The following SNX24 variants were observed in gnomAD, a reference collection of about 807,000 sequenced individuals.
The protein encoded by SNX24 is sorting nexin 24.
In SNX24, 22 loss-of-function variants were observed where a neutral mutation model predicts 28.7. The ratio of observed to expected loss-of-function variants is 0.77; its 90% CI spans 0.55 to 1.10. The LOEUF (loss-of-function observed/expected upper bound fraction) is 1.10. SNX24 is among the 50% of genes least tolerant of loss of function. The pLI is 0.00. For missense variants in SNX24, 221 were observed against 201.1 expected, an observed-to-expected ratio of 1.10 and a Z score of -0.60; for synonymous variants, 69 against 71.5, an observed-to-expected ratio of 0.96 and a Z score of 0.18.
Position 122,908,210 on chromosome 5 carries a change from C to T in SNX24, c.61-28524C>T, listed in dbSNP as rs532428208. Among the ~76,000 whole-genome samples, 12 of 152,330 alleles carry T rather than the reference C, an allele frequency of 7.9e-5. No individual in the cohort carries two copies. In the South Asian group the frequency reaches 2.3e-3, roughly 29 times the overall value. The stretch of plus-strand genomic sequence containing the variant: ...TGTGGCTGCATTTCTGTGATACAAC[C>T]TCATCTGTTCCGTCAACTAGTTTTG... On this transcript the variant is annotated intron_variant, in intron 1 of 6. Transcript: ENST00000261369.
At chr5:122,910,538 T>C (rs1757835188) in intron 1 of SNX24, among the ~76,000 whole-genome samples, 1 of 151,562 alleles carries the variant, frequency 6.6e-6, no homozygotes, top group South Asian at 2.1e-4. Context: ...TACATATGTA[T>C]ACATGTGCCA....
intron 1 of SNX24, among the ~76,000 whole-genome samples, chr5:122,902,801 C>T (rs1757496550): frequency 2.0e-5 from 3 of 152,160 alleles, no homozygotes. Flanking sequence ...CCCGTCTTGT[C>T]CCAGCTTACC....
chr5:122,953,892 C>A (rs1760077875), intron 3 of SNX24, among the ~76,000 whole-genome samples: 1 of 151,958 alleles, frequency 6.6e-6, no homozygotes, highest in South Asian at 2.1e-4. Context: ...AATACAAATC[C>A]TTTTTTAAAC....
intron 1 of SNX24, among the ~76,000 whole-genome samples, chr5:122,861,012 T>G (rs1277163644): frequency 6.6e-6 from 1 of 152,158 alleles, no homozygotes; most frequent in East Asian, 1.9e-4. Context: ...TACCACTTCC[T>G]TTATGTTCCC....
At chr5:123,026,112 T>A in intron 5 of SNX24, 1 of 684,586 alleles carries the variant, frequency 1.5e-6, no homozygotes, top group Non-Finnish European at 2.4e-6. Context: ...TAAGCAGACA[T>A]GAAGGAGGGA....
chr5:122,951,392 C>T (rs1217737661), intron 3 of SNX24, among the ~76,000 whole-genome samples: 1 of 151,410 alleles, frequency 6.6e-6, no homozygotes, highest in Non-Finnish European at 1.5e-5. Flanking sequence ...AATATTTGCT[C>T]ATTAACACAA....
intron 3 of SNX24, among the ~76,000 whole-genome samples, chr5:122,983,327 AG>A (rs1480364154): frequency 6.6e-6 from 1 of 152,168 alleles, no homozygotes; most frequent in African/African-American, 2.4e-5. Context: ...CATAACTAAA[AG>A]GCACCTTATA....
chr5:122,916,557 C>A (rs1180504027), intron 1 of SNX24, among the ~76,000 whole-genome samples: 2 of 152,114 alleles, frequency 1.3e-5, no homozygotes, highest in African/African-American at 4.8e-5. Context: ...TGCTTCCTTA[C>A]CAAATACTTT....
chr5:122,988,991 A>G (rs1232687143), intron 3 of SNX24, among the ~76,000 whole-genome samples: 2 of 152,208 alleles, frequency 1.3e-5, no homozygotes, highest in African/African-American at 4.8e-5. Flanking sequence ...TAAGTGTTCT[A>G]CCCAGTACTA....
At chr5:123,001,917 A>G (rs760936663) in intron 5 of SNX24, 23 bp from the exon 6 acceptor site, 13 of 1,609,410 alleles carry the variant, frequency 8.1e-6, no homozygotes, top group Non-Finnish European at 1.0e-5. Context: ...TGATGCTGAC[A>G]TGCCTGTTCT....
At chr5:122,989,955 A>C (rs530000318) in intron 3 of SNX24, among the ~76,000 whole-genome samples, 1 of 152,110 alleles carries the variant, frequency 6.6e-6, no homozygotes. Context: ...CTTTCTTGCT[A>C]TTGTGTTCTG....
At chr5:122,851,995 A>G (rs1754941144) in intron 1 of SNX24, among the ~76,000 whole-genome samples, 2 of 152,082 alleles carry the variant, frequency 1.3e-5, no homozygotes, top group South Asian at 4.1e-4. Context: ...TGGTTTTAAA[A>G]TAAGCACAAT....
chr5:122,919,468 A>G (rs1310032236), intron 1 of SNX24, among the ~76,000 whole-genome samples: 7 of 152,206 alleles, frequency 4.6e-5, no homozygotes, highest in African/African-American at 1.7e-4. Context: ...ATTTAGGGTC[A>G]TATCTTGCAG....
intron 1 of SNX24, among the ~76,000 whole-genome samples, chr5:122,889,232 C>T (rs1756846914): frequency 6.6e-6 from 1 of 152,128 alleles, no homozygotes; most frequent in Non-Finnish European, 1.5e-5. Context: ...AAAGAATTCT[C>T]AGCATTCCTC....
chr5:123,006,030 C>G (rs1329899241), intron 6 of SNX24, among the ~76,000 whole-genome samples: 2 of 152,150 alleles, frequency 1.3e-5, no homozygotes, highest in African/African-American at 4.8e-5. Context: ...AAGGTAGATA[C>G]TATTATGAAA....
intron 5 of SNX24, chr5:123,026,066 T>G (rs1284574261): frequency 2.9e-6 from 3 of 1,042,302 alleles, no homozygotes; most frequent in African/African-American, 1.6e-5. Context: ...ACTAGAACCC[T>G]ATAGGAGGTA....
chr5:122,976,883 AG>A (rs1761187978), intron 3 of SNX24, among the ~76,000 whole-genome samples: 3 of 152,322 alleles, frequency 2.0e-5, no homozygotes, highest in African/African-American at 7.2e-5. Context: ...GTTTGTTTGC[AG>A]GGCAGCTTTT....
intron 3 of SNX24, among the ~76,000 whole-genome samples, chr5:122,992,566 C>T (rs1447384781): frequency 1.3e-5 from 2 of 152,186 alleles, no homozygotes; most frequent in Non-Finnish European, 2.9e-5. Flanking sequence ...GCTAATTCAA[C>T]TCCCAGCTCA....
At chr5:122,872,528 A>G (rs1436617839) in intron 1 of SNX24, among the ~76,000 whole-genome samples, 2 of 152,054 alleles carry the variant, frequency 1.3e-5, no homozygotes, top group African/African-American at 4.8e-5. Flanking sequence ...ATGATATGAA[A>G]ATCTGTGAAT....
Sources: allele counts gnomAD v4.1 joint callset (sites outside exome capture counted in the v4.1 genomes callset), GRCh38; gene constraint gnomAD v4.1.1; transcripts MANE v1.5; gene names NCBI Gene and HGNC (gene_info 2026-07-23, HGNC 2026-07-21).